The following SLC25A24 variants were observed in gnomAD, a reference collection of about 807,000 sequenced individuals.
SLC25A24 encodes mitochondrial adenyl nucleotide antiporter SLC25A24.
Under a neutral mutation model 60.7 loss-of-function variants are expected in SLC25A24, and 49 were observed. The observed-to-expected ratio is 0.81, with a 90% CI of 0.64 to 1.02. The LOEUF is 1.02. Among genes scored for constraint, SLC25A24 ranks in the 50% least tolerant of loss-of-function variants. The pLI is 0.00. For synonymous variants in SLC25A24, 202 were observed against 200.6 expected, an observed-to-expected ratio of 1.01 and a Z score of -0.06; for missense variants, 564 against 586.3, an observed-to-expected ratio of 0.96 and a Z score of 0.39.
At chr1:108,190,038 C>G (rs1424226307) in intron 1 of SLC25A24, among the ~76,000 whole-genome samples, 3 of 151,914 alleles carry the variant, frequency 2.0e-5, no homozygotes, top group African/African-American at 7.3e-5. Context: ...TTGTATGTTC[C>G]TTCTAGAAAT....
chr1:108,190,634 A>AT (rs556492630), intron 1 of SLC25A24, among the ~76,000 whole-genome samples: 151 of 151,828 alleles, frequency 9.9e-4, no homozygotes, highest in African/African-American at 3.6e-3. Flanking sequence ...AAAACAGACT[A>AT]TTTTCACAAT....
chr1:108,143,807 A>G, intron 7 of SLC25A24, 97 bp from the exon 8 acceptor site: 1 of 883,704 alleles, frequency 1.1e-6, no homozygotes, highest in Middle Eastern at 2.4e-4. Flanking sequence ...TACCTAGCAC[A>G]TATTGTCACT....
chr1:108,199,819 C>A (rs1259627834), intron 1 of SLC25A24, 137 bp downstream of exon 1: 2 of 688,422 alleles, frequency 2.9e-6, no homozygotes, highest in Non-Finnish European at 4.8e-6. Context: ...GTTTCTGAAG[C>A]CACCGGAGCG....
At chr1:108,169,897 T>C (rs757029716) in intron 3 of SLC25A24, among the ~76,000 whole-genome samples, 30 of 152,220 alleles carry the variant, frequency 2.0e-4, no homozygotes, top group Non-Finnish European at 3.5e-4. Flanking sequence ...TGCCTATTTA[T>C]AACTGAACAT....
At chr1:108,166,792 G>A (rs190556392) in intron 3 of SLC25A24, among the ~76,000 whole-genome samples, 16 of 152,152 alleles carry the variant, frequency 1.1e-4, no homozygotes, top group Admixed American at 6.5e-4. Flanking sequence ...CTCTCAGCTC[G>A]TCAGAGTCAT....
At chr1:108,196,995 C>G (rs1446341663) in intron 1 of SLC25A24, among the ~76,000 whole-genome samples, 6 of 152,194 alleles carry the variant, frequency 3.9e-5, no homozygotes, top group African/African-American at 1.4e-4. Flanking sequence ...CCTTATACTA[C>G]TGAGTCCTAG....
intron 1 of SLC25A24, 97 bp from the exon 2 acceptor site, chr1:108,186,051 A>G (rs1260313897): frequency 1.1e-6 from 1 of 935,288 alleles, no homozygotes; most frequent in Non-Finnish European, 1.5e-6. Flanking sequence ...TTTTCCTAAA[A>G]GACTATAGTA....
intron 3 of SLC25A24, among the ~76,000 whole-genome samples, chr1:108,173,611 T>C (rs543880552): frequency 6.6e-6 from 1 of 152,304 alleles, no homozygotes; most frequent in Non-Finnish European, 1.5e-5. Flanking sequence ...TGGAACTGAC[T>C]TTGGAACTGG....
chr1:108,143,769 CA>C, intron 7 of SLC25A24, 59 bp from the exon 8 acceptor site: 2 of 1,325,998 alleles, frequency 1.5e-6, no homozygotes, highest in Non-Finnish European at 2.1e-6. Flanking sequence ...TCATGGGATT[CA>C]AATGAAGTAA....
intron 7 of SLC25A24, among the ~76,000 whole-genome samples, chr1:108,146,969 G>A (rs1679610620): frequency 6.6e-6 from 1 of 152,128 alleles, no homozygotes; most frequent in African/African-American, 2.4e-5. Context: ...TCTATTGTTT[G>A]AATAATTTCA....
intron 6 of SLC25A24, among the ~76,000 whole-genome samples, chr1:108,152,809 A>G (rs912497997): frequency 5.3e-5 from 8 of 152,252 alleles, no homozygotes; most frequent in Non-Finnish European, 1.2e-4. Context: ...CACAAAGCAG[A>G]TAAGTACAGA....
chr1:108,158,542 T>C (rs192611901), intron 4 of SLC25A24, among the ~76,000 whole-genome samples: 51 of 152,296 alleles, frequency 3.3e-4, no homozygotes, highest in Admixed American at 1.9e-3. Context: ...ACTAGTATAA[T>C]ATTATCTTAT....
intron 7 of SLC25A24, among the ~76,000 whole-genome samples, chr1:108,145,137 T>G (rs967936263): frequency 2.0e-5 from 3 of 152,202 alleles, no homozygotes; most frequent in African/African-American, 7.2e-5. Context: ...TGGTATGCCA[T>G]TGTGGTTTTG....
intron 7 of SLC25A24, among the ~76,000 whole-genome samples, chr1:108,145,338 A>G (rs1679555743): frequency 6.6e-6 from 1 of 152,138 alleles, no homozygotes; most frequent in Non-Finnish European, 1.5e-5. Context: ...ATAGATTGCA[A>G]AATTTTTCTC....
chr1:108,158,810 G>C lies in SLC25A24; in HGVS notation c.511-1190C>G, dbSNP rs1045311067. Among the ~76,000 whole-genome samples, 8 of 151,774 alleles carry C rather than the reference G, an allele frequency of 5.3e-5. 1 individual carries two copies. Among genetic ancestry groups the C allele is most frequent in the Admixed American group, 5.2e-4 (8 of 15,260 alleles). On this transcript the variant is annotated intron_variant, in intron 4 of 9. Transcript: ENST00000565488. ...AGGTCAGGAGATCGAGACCATCCTG[G>C]CTAACACGGTGAAACCCCGTCTCTA... is the stretch of plus-strand genomic sequence containing the variant.
In SLC25A24 at chr1:108,165,249, C is replaced by A. The variant is rs187007916; in HGVS notation, c.399-3956G>T. Among the ~76,000 whole-genome samples, 363 of 152,164 alleles carry A rather than the reference C, an allele frequency of 2.4e-3. 2 individuals are homozygous for A. Among genetic ancestry groups the A allele is most frequent in the Middle Eastern group, 6.8e-3 (2 of 294 alleles). ...ATTTTGGAATAGCCGTGGTGTGGTG[C>A]TGAAAAAAATGTATATTCTGTTGAT... On this transcript the variant is annotated intron_variant, in intron 3 of 9. Transcript: ENST00000565488.
chr1:108,163,798 A>G (rs1464514870), intron 3 of SLC25A24, among the ~76,000 whole-genome samples: 4 of 152,142 alleles, frequency 2.6e-5, no homozygotes, highest in Non-Finnish European at 5.9e-5. Flanking sequence ...TCTCCTGCCT[A>G]ACTGCCCTGG....
chr1:108,135,477 T>C lies in SLC25A24; in HGVS notation c.*1176A>G, dbSNP rs1159431399. 1 of 152,400 alleles carries C rather than the reference T, an allele frequency of 6.6e-6. No individual in the cohort carries two copies. Among genetic ancestry groups the C allele is most frequent in the Non-Finnish European group, 1.5e-5 (1 of 68,020 alleles). 9.4% of individuals were successfully genotyped at this position (152,400 alleles called of 1,614,324 possible). A position where few individuals can be genotyped will look rare whatever the true frequency, so the allele number is the denominator to read the frequency against. On this transcript the variant is annotated 3_prime_UTR_variant, in exon 10 of 10. Coordinates refer to ENST00000565488, the MANE Select transcript of SLC25A24 (RefSeq NM_013386.5). The stretch of plus-strand genomic sequence containing the variant: ...ACAAATAAGAAAAGATAGTTGACTA[T>C]AAAAATGGCTTTAGTAAAATAAAAA...
chr1:108,200,173 TC>T lies in SLC25A24; in HGVS notation c.-36del. 6.6e-7 allele frequency: 1 copy of T among 1,520,682 alleles called. No individual in the cohort carries two copies. The highest frequency in any genetic ancestry group is 8.8e-7 in the Non-Finnish European group (1 of 1,137,872). 94.2% of individuals were successfully genotyped at this position (1,520,682 alleles called of 1,614,324 possible). ...GGCGCAGGCGGCCTGGCCGAGGAAG[TC>T]ACGGGAGATCGAGGGCTGCGGGGCG... is the stretch of plus-strand genomic sequence containing the variant. On this transcript the variant is annotated 5_prime_UTR_variant, in exon 1 of 10. Transcript: ENST00000565488.
Sources: gnomAD v4.1 joint callset for allele counts (sites outside exome capture counted in the v4.1 genomes callset) on GRCh38, gnomAD v4.1.1 for gene constraint, MANE v1.5 for transcripts, NCBI Gene and HGNC (gene_info 2026-07-23, HGNC 2026-07-21) for gene names.